IMMP2L: variants seen among roughly 807,000 people sequenced by gnomAD.
The protein encoded by IMMP2L is inner mitochondrial membrane peptidase subunit 2.
Under a neutral mutation model 19.3 loss-of-function variants are expected in IMMP2L, and 18 were observed. The ratio of observed to expected loss-of-function variants is 0.93; its 90% CI spans 0.64 to 1.38. The LOEUF (loss-of-function observed/expected upper bound fraction) is 1.38, where lower values mean the gene tolerates loss of function less well. Ranked by LOEUF, IMMP2L falls within the 40% of genes most tolerant of loss-of-function variation. The pLI, the probability that IMMP2L is intolerant of heterozygous loss-of-function variation, is 0.00. For synonymous variants in IMMP2L, 76 were observed against 73.0 expected, an observed-to-expected ratio of 1.04 and a Z score of -0.21; for missense variants, 233 against 218.2, an observed-to-expected ratio of 1.07 and a Z score of -0.43.
At chr7:111,387,641 A>C (rs971178116) in intron 3 of IMMP2L, among the ~76,000 whole-genome samples, 3 of 152,140 alleles carry the variant, frequency 2.0e-5, no homozygotes, top group African/African-American at 7.2e-5. Flanking sequence ...GCTAAGCACT[A>C]AAGTTCTGTC....
At chr7:111,124,058 C>T in intron 3 of IMMP2L, 1 of 1,613,944 alleles carries the variant, frequency 6.2e-7, no homozygotes, top group Non-Finnish European at 8.5e-7. Context: ...GAGAGCTTTC[C>T]TTCTAATCTA....
intron 3 of IMMP2L, among the ~76,000 whole-genome samples, chr7:111,407,592 C>A (rs932462281): frequency 6.6e-6 from 1 of 151,838 alleles, no homozygotes; most frequent in Admixed American, 6.6e-5. Flanking sequence ...AATGAAATAT[C>A]CAGAAGGGGA....
In IMMP2L at chr7:110,712,888, C is replaced by T. The variant is rs373759911; in HGVS notation, c.409-49167G>A. Among the ~76,000 whole-genome samples, 36 of 138,790 alleles carry T rather than the reference C, an allele frequency of 2.6e-4. No individual in the cohort carries two copies. The East Asian group carries it at 7.2e-3, about 28-fold the overall frequency. The allele number at this position is 138,790 out of a possible 152,430, so 91.1% of individuals were successfully genotyped here. Reference sequence around the variant, plus strand: ...TCGGCTCGCGCACAGTGCGCACACACACTGGCCTGCGCACACTGTCTGGCA... The same window carrying T: ...TCGGCTCGCGCACAGTGCGCACACATACTGGCCTGCGCACACTGTCTGGCA... On this transcript the variant is annotated intron_variant, in intron 5 of 5. Transcript: ENST00000405709.
intron 3 of IMMP2L, among the ~76,000 whole-genome samples, chr7:111,105,703 C>T (rs144335685): frequency 9.9e-4 from 151 of 151,812 alleles, no homozygotes; most frequent in African/African-American, 3.5e-3. Flanking sequence ...AATGGGCTTG[C>T]TCTCTGTTGT....
rs183026105 is a variant in IMMP2L, at chr7:110,804,054, C to T, written c.408+82539G>A. Among the ~76,000 whole-genome samples the T allele has an allele frequency of 9.9e-5, 15 of 152,060 alleles. No homozygotes were observed. The East Asian group carries it at 2.9e-3, about 30-fold the overall frequency. On this transcript the variant is annotated intron_variant, in intron 5 of 5. Coordinates refer to ENST00000405709, the MANE Select transcript of IMMP2L (RefSeq NM_032549.4). Reference sequence around the variant, plus strand: ...AGGAAGTGCAAAAAGCCTTGTTTGCCAATACTCTACATCTAACTTCTTAAT... The same window carrying T: ...AGGAAGTGCAAAAAGCCTTGTTTGCTAATACTCTACATCTAACTTCTTAAT...
chr7:110,896,280 T>A (rs7809715), intron 4 of IMMP2L, among the ~76,000 whole-genome samples: 9,542 of 152,132 alleles, frequency 0.063, 993 homozygotes, highest in African/African-American at 0.22. Flanking sequence ...TATATTTAAA[T>A]TTAGTTTTTG....
At chr7:111,395,267 AT>A (rs1466081482) in intron 3 of IMMP2L, among the ~76,000 whole-genome samples, 10 of 152,072 alleles carry the variant, frequency 6.6e-5, no homozygotes, top group Admixed American at 1.3e-4. Context: ...TATATTTTCT[AT>A]TTTTTCTTCC....
chr7:111,370,662 C>T (rs1284804780), intron 3 of IMMP2L, among the ~76,000 whole-genome samples: 3 of 151,830 alleles, frequency 2.0e-5, no homozygotes, highest in Admixed American at 6.6e-5. Context: ...ATCAAAATCC[C>T]GTTTCTCTAA....
chr7:111,501,087 C>T (rs1459877259), intron 2 of IMMP2L, among the ~76,000 whole-genome samples: 13 of 151,636 alleles, frequency 8.6e-5, no homozygotes, highest in East Asian at 3.9e-4. Context: ...AAAAATTAGA[C>T]GAATGGATAC....
intron 5 of IMMP2L, among the ~76,000 whole-genome samples, chr7:110,747,313 C>T (rs553838107): frequency 1.3e-5 from 2 of 152,088 alleles, no homozygotes; most frequent in African/African-American, 4.8e-5. Context: ...CCGAATTCTA[C>T]CAGAGGTACA....
At chr7:110,754,740 T>G (rs1311041190) in intron 5 of IMMP2L, among the ~76,000 whole-genome samples, 2 of 151,840 alleles carry the variant, frequency 1.3e-5, no homozygotes, top group East Asian at 3.9e-4. Flanking sequence ...TGTAATATAT[T>G]TGCCATAAGA....
chr7:111,107,161 C>T (rs1252691834), intron 3 of IMMP2L, among the ~76,000 whole-genome samples: 6 of 59,330 alleles, frequency 1.0e-4, no homozygotes, highest in African/African-American at 3.8e-4. Flanking sequence ...CAGAAACTTC[C>T]TTCTTTCCCC....
chr7:110,919,466 G>T (rs999156000), intron 4 of IMMP2L, among the ~76,000 whole-genome samples: 49 of 152,196 alleles, frequency 3.2e-4, no homozygotes, highest in African/African-American at 1.2e-3. Flanking sequence ...TTCTCATAGA[G>T]ACTCTACTTG....
chr7:111,317,819 A>C (rs1417182292), intron 3 of IMMP2L, among the ~76,000 whole-genome samples: 2 of 152,144 alleles, frequency 1.3e-5, no homozygotes, highest in African/African-American at 2.4e-5. Context: ...AAAGTCTGTG[A>C]ATTTAATATT....
intron 3 of IMMP2L, among the ~76,000 whole-genome samples, chr7:111,332,941 G>C (rs1165621324): frequency 6.6e-6 from 1 of 152,068 alleles, no homozygotes; most frequent in Admixed American, 6.6e-5. Flanking sequence ...CCACAATGGA[G>C]GTAAGGGATA....
intron 3 of IMMP2L, among the ~76,000 whole-genome samples, chr7:111,228,958 T>C (rs1022404487): frequency 7.2e-6 from 1 of 138,572 alleles, no homozygotes; most frequent in East Asian, 2.1e-4. Context: ...CAATAAACAC[T>C]AGCAATGCGT....
chr7:110,954,672 G>T (rs1472696219), intron 4 of IMMP2L, among the ~76,000 whole-genome samples: 1 of 152,092 alleles, frequency 6.6e-6, no homozygotes, highest in Admixed American at 6.6e-5. Context: ...AAGTGGCAAA[G>T]CTGGGATCTG....
intron 3 of IMMP2L, among the ~76,000 whole-genome samples, chr7:111,356,423 T>C (rs1019064900): frequency 8.5e-5 from 13 of 152,146 alleles, no homozygotes; most frequent in African/African-American, 2.4e-4. Context: ...ACTTTAAGTA[T>C]AAGAAAGGAT....
At chr7:111,096,778 G>C (rs1394759691) in intron 3 of IMMP2L, among the ~76,000 whole-genome samples, 1 of 151,872 alleles carries the variant, frequency 6.6e-6, no homozygotes. Flanking sequence ...AACTTCCTTA[G>C]CATCTCCTTT....
Sources: gnomAD v4.1 joint callset for allele counts (sites outside exome capture counted in the v4.1 genomes callset) on GRCh38, gnomAD v4.1.1 for gene constraint, MANE v1.5 for transcripts, NCBI Gene and HGNC (gene_info 2026-07-23, HGNC 2026-07-21) for gene names.